MKNK1: variants seen among roughly 807,000 people sequenced by gnomAD.
MKNK1 encodes MAP kinase-interacting serine/threonine-protein kinase 1.
A neutral mutation model predicts 49.3 loss-of-function variants in MKNK1; 30 were observed. The ratio of observed to expected loss-of-function variants is 0.61; its 90% CI spans 0.46 to 0.83. The LOEUF (loss-of-function observed/expected upper bound fraction) is 0.83. MKNK1 is among the 40% of genes least tolerant of loss of function. The probability of loss-of-function intolerance (pLI) is 0.00; values close to 1 mark genes in which losing one functional copy is unlikely to be tolerated. For missense variants in MKNK1, 423 were observed against 524.7 expected (o/e 0.81, Z 1.89); for synonymous variants, 176 against 201.7 (o/e 0.87, Z 1.08).
chr1:46,602,454 A>G (rs976501821), intron 1 of MKNK1, among the ~76,000 whole-genome samples: 2 of 152,178 alleles, frequency 1.3e-5, no homozygotes, highest in Non-Finnish European at 2.9e-5. Context: ...ATTTTGACTG[A>G]AGCACAGGTT....
chr1:46,571,585 C>T (rs1290027233), intron 7 of MKNK1: 1 of 417,122 alleles, frequency 2.4e-6, no homozygotes, highest in East Asian at 7.4e-5. Context: ...TTTTCATTTA[C>T]TGTGAACAAG....
chr1:46,584,201 T>G (rs1311157212), intron 2 of MKNK1, among the ~76,000 whole-genome samples: 3 of 152,192 alleles, frequency 2.0e-5, no homozygotes. Flanking sequence ...AGTGAACCAG[T>G]GCCCAATCAC....
In MKNK1 at chr1:46,581,673, C is replaced by G. The variant is rs1280854256; in HGVS notation, c.101-1046G>C. ...TGGCTATACAAAGGAGAATAAAACA[C>G]TGTTCTATTTTATACCCCATACATG... is the stretch of plus-strand genomic sequence containing the variant. On this transcript the variant is annotated intron_variant, in intron 3 of 12. Coordinates refer to ENST00000371945, the MANE Select transcript of MKNK1 (RefSeq NM_001135553.4). Among the ~76,000 whole-genome samples the G allele has an allele frequency of 2.0e-5, 3 of 152,104 alleles. No individual in the cohort carries two copies. In the East Asian group the frequency reaches 5.8e-4, roughly 29 times the overall value.
chr1:46,561,774 TG>T, intron 10 of MKNK1, 132 bp from the exon 11 acceptor site: 1 of 981,568 alleles, frequency 1.0e-6, no homozygotes, highest in Non-Finnish European at 1.5e-6. Context: ...TGCCACAGAC[TG>T]GGGCCTCTTC....
chr1:46,602,933 C>G (rs949897367), intron 1 of MKNK1, among the ~76,000 whole-genome samples: 4 of 152,232 alleles, frequency 2.6e-5, no homozygotes, highest in Non-Finnish European at 5.9e-5. Context: ...CTGACAGCTC[C>G]TGTTCACAGA....
chr1:46,560,267 T>G lies in MKNK1; in HGVS notation c.980A>C (p.Glu327Ala), dbSNP rs746414127. ...QHPWVQGQAP[E>A]KGLPTPQVLQ... ...GACTTGCGGCGTGGGGAGTCCCTTT[T>G]CTGGAGCTTGCTAGAATGGGAAGGA... is the stretch of plus-strand genomic sequence containing the variant. The change falls in exon 12 of 13, where the codon GAA (glutamate) becomes GCA (alanine). Residue 327 changes from glutamate to alanine, a missense_variant. By Grantham distance (107) the Glu-to-Ala change is moderately radical. Transcript: ENST00000371945. 1.3e-4 allele frequency: 205 copies of G among 1,614,040 alleles called. No individual in the cohort carries two copies. The highest frequency in any genetic ancestry group is 1.6e-4 in the Non-Finnish European group (188 of 1,180,020).
chr1:46,562,022 T>C (rs1029550495), intron 10 of MKNK1, among the ~76,000 whole-genome samples: 3 of 152,188 alleles, frequency 2.0e-5, no homozygotes, highest in Admixed American at 6.5e-5. Flanking sequence ...AGCTATTTCA[T>C]GTGCCCACAT....
intron 8 of MKNK1, among the ~76,000 whole-genome samples, chr1:46,567,919 G>A (rs142047704): frequency 1.8e-4 from 27 of 152,264 alleles, no homozygotes; most frequent in African/African-American, 6.3e-4. Flanking sequence ...TCAGGAGTTC[G>A]AGACCAGCCT....
chr1:46,583,605 C>T (rs747346699), intron 2 of MKNK1, among the ~76,000 whole-genome samples: 9 of 152,120 alleles, frequency 5.9e-5, no homozygotes, highest in Admixed American at 2.6e-4. Context: ...CTCATTAGCG[C>T]GTGGATTTAG....
At chr1:46,584,676 G>A (rs1033155744) in intron 2 of MKNK1, 1 of 152,152 alleles carries the variant, frequency 6.6e-6, no homozygotes, top group Admixed American at 6.5e-5. Flanking sequence ...TCAGACGCAA[G>A]TACGTGACAG....
rs373002774 is a variant in MKNK1 at position 46,558,591 on chromosome 1, G to C, written c.1223C>G (p.Pro408Arg). The change falls in exon 13 of 13, where the codon CCG becomes CGG. Residue 408 changes from proline (P) to arginine (R), a missense_variant. Coordinates refer to ENST00000371945, the MANE Select transcript of MKNK1 (RefSeq NM_001135553.4). Reference protein sequence around the residue: ...AQAGRGEDRSPPTAL With the variant: ...AQAGRGEDRSRPTAL Reference sequence around the variant, plus strand: ...TGGAGCATTTCAGAGTGCTGTGGGCGGGCTCCTGTCTTCACCACGGCCTGC... The same window carrying C: ...TGGAGCATTTCAGAGTGCTGTGGGCCGGCTCCTGTCTTCACCACGGCCTGC... The C allele has an allele frequency of 1.1e-5, 18 of 1,610,976 alleles. No homozygotes were observed. Among genetic ancestry groups the C allele is most frequent in the Non-Finnish European group, 1.5e-5 (18 of 1,178,658 alleles).
intron 8 of MKNK1, 193 bp from the exon 9 acceptor site, chr1:46,565,329 C>T: frequency 1.7e-6 from 1 of 592,912 alleles, no homozygotes; most frequent in Non-Finnish European, 3.0e-6. Context: ...TCCCTGAGCT[C>T]TCTTATTTCC....
rs147973753 is a variant in MKNK1 at position 46,558,718 on chromosome 1, C to T, written c.1096G>A (p.Glu366Lys). 1,591 of 1,614,250 alleles carry T rather than the reference C, an allele frequency of 9.9e-4. 2 individuals carry two copies. The highest frequency in any genetic ancestry group is 1.2e-3 in the Non-Finnish European group (1,449 of 1,180,042). The change falls in exon 13 of 13, where the codon GAA becomes AAA. Residue 366 changes from glutamate to lysine, a missense_variant. Transcript: ENST00000371945. Reference sequence around the variant, plus strand: ...AGTGCCTCTGGCTCCTCTGCTAGTTCGTTCTCTTCGTGCTGAGATAGCTGG... The same window carrying T: ...AGTGCCTCTGGCTCCTCTGCTAGTTTGTTCTCTTCGTGCTGAGATAGCTGG... ...NRQLSQHEEN[E>K]LAEEPEALAD...
At chr1:46,570,294 T>G (rs547806514) in intron 7 of MKNK1, 45 of 150,142 alleles carry the variant, frequency 3.0e-4, no homozygotes, top group African/African-American at 1.0e-3. Context: ...GACCCAGTTT[T>G]GCAATCTACA....
At chr1:46,564,307 T>G (rs531096282) in intron 9 of MKNK1, among the ~76,000 whole-genome samples, 1 of 151,454 alleles carries the variant, frequency 6.6e-6, no homozygotes, top group Non-Finnish European at 1.5e-5. Context: ...GGAGAACAGC[T>G]CTCCATCCCC....
At chr1:46,576,774 C>T in intron 4 of MKNK1, 120 bp from the exon 5 acceptor site, 1 of 857,154 alleles carries the variant, frequency 1.2e-6, no homozygotes, top group Non-Finnish European at 1.9e-6. Context: ...CAGCAGAAGT[C>T]TGGCCTAGGC....
intron 6 of MKNK1, among the ~76,000 whole-genome samples, chr1:46,573,407 CA>C (rs1670491399): frequency 6.6e-6 from 1 of 152,190 alleles, no homozygotes; most frequent in Admixed American, 6.5e-5. Context: ...TTGGGTGGTG[CA>C]GGGGCAGACA....
chr1:46,594,713 G>A (rs1391282306), intron 1 of MKNK1, among the ~76,000 whole-genome samples: 1 of 152,230 alleles, frequency 6.6e-6, no homozygotes, highest in African/African-American at 2.4e-5. Flanking sequence ...AAAGTTGACA[G>A]GCCAGGTGTG....
intron 2 of MKNK1, among the ~76,000 whole-genome samples, chr1:46,584,975 G>A (rs1289609859): frequency 1.3e-5 from 2 of 152,078 alleles, no homozygotes; most frequent in Admixed American, 1.3e-4. Flanking sequence ...ATCTGGCTAG[G>A]CACCATGGCT....
Sources: allele counts gnomAD v4.1 joint callset (sites outside exome capture counted in the v4.1 genomes callset), GRCh38; gene constraint gnomAD v4.1.1; transcripts MANE v1.5; gene names NCBI Gene and HGNC (gene_info 2026-07-23, HGNC 2026-07-21).